The following MNAT1 variants were observed in gnomAD, a reference collection of about 807,000 sequenced individuals.
MNAT1 encodes the protein CDK-activating kinase assembly factor MAT1.
A neutral mutation model predicts 42.0 loss-of-function variants in MNAT1; 43 were observed. That is an observed-to-expected ratio of 1.02 (90% CI 0.80 to 1.32). The LOEUF is 1.32. Among genes scored for constraint, MNAT1 ranks in the 40% most tolerant of loss-of-function variants. The probability of loss-of-function intolerance (pLI) is 0.00; values close to 1 mark genes in which losing one functional copy is unlikely to be tolerated. For missense variants in MNAT1, 306 were observed against 350.4 expected (o/e 0.87, Z 1.01); for synonymous variants, 118 against 120.0 (o/e 0.98, Z 0.11).
chr14:60,885,019 C>T (rs1468371358), intron 7 of MNAT1, among the ~76,000 whole-genome samples: 2 of 151,934 alleles, frequency 1.3e-5, no homozygotes, highest in South Asian at 2.1e-4. Flanking sequence ...CTCTTCTGGC[C>T]TATAAGGTTT....
rs139680617 is a variant in MNAT1, at chr14:60,831,260, T to C, written c.687+12413T>C. Among the ~76,000 whole-genome samples the C allele has an allele frequency of 8.5e-3, 1,300 of 152,282 alleles. 25 individuals are homozygous for C. The highest frequency in any genetic ancestry group is 0.029 in the African/African-American group (1,194 of 41,564). ...TTGTTACATAGGTATACACGAGCCA[T>C]GGTGGTTTGCTGTACCCATCAACCC... On this transcript the variant is annotated intron_variant, in intron 6 of 7. Coordinates refer to ENST00000261245, the MANE Select transcript of MNAT1 (RefSeq NM_002431.4).
intron 7 of MNAT1, among the ~76,000 whole-genome samples, chr14:60,920,735 C>T (rs1182857595): frequency 6.6e-6 from 1 of 152,118 alleles, no homozygotes; most frequent in Non-Finnish European, 1.5e-5. Context: ...TGAGCCACGA[C>T]GCCTCGCCTT....
At chr14:60,933,858 G>A (rs1378806103) in intron 7 of MNAT1, among the ~76,000 whole-genome samples, 3 of 152,042 alleles carry the variant, frequency 2.0e-5, no homozygotes, top group African/African-American at 7.2e-5. Flanking sequence ...CACATTGTCT[G>A]GAAGATTTAA....
intron 7 of MNAT1, among the ~76,000 whole-genome samples, chr14:60,921,864 A>G (rs568156796): frequency 1.3e-5 from 2 of 152,304 alleles, no homozygotes; most frequent in Admixed American, 6.5e-5. Flanking sequence ...ATGGCTCTAA[A>G]CAAGACCCAT....
chr14:60,914,433 G>A, intron 7 of MNAT1, among the ~76,000 whole-genome samples: 1 of 152,178 alleles, frequency 6.6e-6, no homozygotes, highest in Non-Finnish European at 1.5e-5. Flanking sequence ...GGGAGCTGTA[G>A]ACTGGAGCTG....
intron 7 of MNAT1, among the ~76,000 whole-genome samples, chr14:60,886,404 G>A (rs1426414871): frequency 6.6e-6 from 1 of 151,750 alleles, no homozygotes; most frequent in Non-Finnish European, 1.5e-5. Flanking sequence ...TATTTATGTT[G>A]TCTTCAGTGT....
intron 6 of MNAT1, among the ~76,000 whole-genome samples, chr14:60,860,730 T>A (rs2034077467): frequency 6.6e-6 from 1 of 152,192 alleles, no homozygotes; most frequent in African/African-American, 2.4e-5. Flanking sequence ...CCCATGCTTT[T>A]AACATTGTGT....
chr14:60,900,036 G>A (rs186812862), intron 7 of MNAT1, among the ~76,000 whole-genome samples: 1 of 137,072 alleles, frequency 7.3e-6, no homozygotes, highest in East Asian at 2.2e-4. Flanking sequence ...TCTTCTGACT[G>A]GCTGTTTCCC....
At chr14:60,748,711 C>G (rs958260439) in intron 1 of MNAT1, among the ~76,000 whole-genome samples, 5 of 152,184 alleles carry the variant, frequency 3.3e-5, no homozygotes, top group Non-Finnish European at 7.3e-5. Context: ...AAGTTGTCAT[C>G]TTCTGTGATA....
At position 60,881,919 on chromosome 14, in the gene MNAT1, G is replaced by T. The variant is rs1337105935; in HGVS notation, c.809+2084G>T. Among the ~76,000 whole-genome samples, 8 of 152,078 alleles carry T rather than the reference G, an allele frequency of 5.3e-5. 1 individual carries two copies. Reference sequence around the variant, plus strand: ...TCATGCCTGTAATCCCAGCTCTTTGGGAGGCTGAGGTGGGCAGATCACTTG... The same window carrying T: ...TCATGCCTGTAATCCCAGCTCTTTGTGAGGCTGAGGTGGGCAGATCACTTG... On this transcript the variant is annotated intron_variant, in intron 7 of 7. Coordinates refer to ENST00000261245, the MANE Select transcript of MNAT1 (RefSeq NM_002431.4).
intron 7 of MNAT1, among the ~76,000 whole-genome samples, chr14:60,943,908 C>A (rs1228030857): frequency 6.6e-6 from 1 of 152,118 alleles, no homozygotes; most frequent in Admixed American, 6.6e-5. Context: ...TAGTCATGGA[C>A]TAAAAGTAGC....
intron 6 of MNAT1, among the ~76,000 whole-genome samples, chr14:60,851,015 A>T (rs1481535608): frequency 2.0e-5 from 3 of 152,218 alleles, no homozygotes; most frequent in African/African-American, 7.2e-5. Flanking sequence ...TGCATTTTCC[A>T]GATAACAGGG....
At chr14:60,887,251 T>C (rs1463870447) in intron 7 of MNAT1, among the ~76,000 whole-genome samples, 2 of 152,056 alleles carry the variant, frequency 1.3e-5, no homozygotes, top group African/African-American at 4.8e-5. Context: ...TTTATTTTAT[T>C]ATTATGCTTT....
At chr14:60,826,326 T>C (rs112786011) in intron 6 of MNAT1, among the ~76,000 whole-genome samples, 4 of 146,638 alleles carry the variant, frequency 2.7e-5, no homozygotes, top group African/African-American at 7.6e-5. Context: ...TTTTTTTTTT[T>C]TTTTTTTTGA....
intron 7 of MNAT1, among the ~76,000 whole-genome samples, chr14:60,904,976 C>CTTTTTTTTTTTT (rs3081651): frequency 0.13 from 9,991 of 78,362 alleles, 2,143 homozygotes; most frequent in African/African-American, 0.28. Flanking sequence ...TCAGCAGTTC[C>CTTTTTTTTTTTT]TTTTTTTTTT....
intron 1 of MNAT1, among the ~76,000 whole-genome samples, chr14:60,761,616 G>T (rs2030603513): frequency 1.3e-5 from 2 of 152,120 alleles, no homozygotes; most frequent in African/African-American, 2.4e-5. Flanking sequence ...TTGCAAAGCA[G>T]CTCTCTTTGT....
At chr14:60,843,038 A>T (rs1038653941) in intron 6 of MNAT1, among the ~76,000 whole-genome samples, 4 of 152,198 alleles carry the variant, frequency 2.6e-5, no homozygotes, top group African/African-American at 9.7e-5. Context: ...CTGTTTAGCA[A>T]TTCTCTTGTT....
At position 60,967,473 on chromosome 14, in the gene MNAT1, A is replaced by C. The variant is rs544479136; in HGVS notation, c.810-756A>C. ...TCCAGAAGTGTTAGTAGTCATGCTA[A>C]GTTGCCCTTCTTTGGCTAGATTGTC... On this transcript the variant is annotated intron_variant, in intron 7 of 7. Transcript: ENST00000261245. Among the ~76,000 whole-genome samples, 6 of 152,296 alleles carry C rather than the reference A, an allele frequency of 3.9e-5. No individual in the cohort carries two copies. The South Asian group carries it at 1.2e-3, about 32-fold the overall frequency.
At chr14:60,908,303 ATTG>A in intron 7 of MNAT1, among the ~76,000 whole-genome samples, 1 of 152,062 alleles carries the variant, frequency 6.6e-6, no homozygotes, top group Non-Finnish European at 1.5e-5. Context: ...CTTTTTCTGG[ATTG>A]TTATTTTTTT....
Sources: gnomAD v4.1 joint callset for allele counts (sites outside exome capture counted in the v4.1 genomes callset) on GRCh38, gnomAD v4.1.1 for gene constraint, MANE v1.5 for transcripts, NCBI Gene and HGNC (gene_info 2026-07-23, HGNC 2026-07-21) for gene names.